The following NCALD variants were observed in gnomAD, a reference collection of about 807,000 sequenced individuals.
NCALD encodes neurocalcin-delta.
NCALD carries 10 observed loss-of-function variants against 18.6 expected under a neutral mutation model. The observed-to-expected ratio is 0.54, with a 90% CI of 0.33 to 0.91. The LOEUF (loss-of-function observed/expected upper bound fraction) is 0.91. Ranked by LOEUF, NCALD falls within the 40% of genes least tolerant of loss-of-function variation. NCALD has a pLI of 0.03. For missense variants in NCALD, 184 were observed against 247.6 expected, an observed-to-expected ratio of 0.74 and a Z score of 1.72; for synonymous variants, 88 against 87.4, an observed-to-expected ratio of 1.01 and a Z score of -0.04.
At chr8:101,704,609 T>C (rs897093492) in intron 2 of NCALD, among the ~76,000 whole-genome samples, 2 of 152,046 alleles carry the variant, frequency 1.3e-5, no homozygotes, top group African/African-American at 4.8e-5. Flanking sequence ...CGTTAAGAAA[T>C]TTAGACATCA....
chr8:101,953,293 G>A (rs1402285572), intron 2 of NCALD, among the ~76,000 whole-genome samples: 1 of 152,192 alleles, frequency 6.6e-6, no homozygotes, highest in Non-Finnish European at 1.5e-5. Context: ...CCAACTTAAA[G>A]AATATTGTAG....
At chr8:101,875,500 CAG>C (rs1279275280) in intron 4 of NCALD, among the ~76,000 whole-genome samples, 2 of 152,196 alleles carry the variant, frequency 1.3e-5, no homozygotes, top group East Asian at 1.9e-4. Flanking sequence ...ACTGGGGTAA[CAG>C]ATATCTCGAT....
intron 1 of NCALD, among the ~76,000 whole-genome samples, chr8:101,759,836 AATGTATC>A (rs1811039580): frequency 6.6e-6 from 1 of 152,218 alleles, no homozygotes; most frequent in African/African-American, 2.4e-5. Context: ...ATCAGATAAA[AATGTATC>A]ATCAGTAAGG....
intron 4 of NCALD, among the ~76,000 whole-genome samples, chr8:101,848,368 G>A (rs1367045730): frequency 3.3e-5 from 5 of 152,050 alleles, no homozygotes; most frequent in African/African-American, 1.2e-4. Context: ...GGAAACAAGA[G>A]AAAACTTGAA....
At chr8:101,698,121 G>A (rs905844119) in intron 2 of NCALD, among the ~76,000 whole-genome samples, 12 of 152,104 alleles carry the variant, frequency 7.9e-5, no homozygotes, top group African/African-American at 2.9e-4. Flanking sequence ...AAAATCACAA[G>A]CATTTCTATA....
intron 4 of NCALD, among the ~76,000 whole-genome samples, chr8:101,867,242 C>T (rs1007901216): frequency 2.0e-5 from 3 of 152,182 alleles, no homozygotes; most frequent in Admixed American, 1.3e-4. Flanking sequence ...CAAACCGCCC[C>T]TACCTTCAAT....
At chr8:102,086,552 C>A (rs1824743436) in intron 1 of NCALD, among the ~76,000 whole-genome samples, 1 of 152,228 alleles carries the variant, frequency 6.6e-6, no homozygotes, top group African/African-American at 2.4e-5. Flanking sequence ...TGAATCAAGT[C>A]ACTATCATCT....
intron 1 of NCALD, among the ~76,000 whole-genome samples, chr8:102,050,139 G>A (rs1476830025): frequency 3.5e-5 from 4 of 113,764 alleles, no homozygotes; most frequent in East Asian, 5.7e-4. Context: ...TCCGCAGTCC[G>A]GCCTGGGCGA....
At chr8:102,122,812 C>G (rs1587129811) in intron 1 of NCALD, among the ~76,000 whole-genome samples, 1 of 152,232 alleles carries the variant, frequency 6.6e-6, no homozygotes, top group East Asian at 1.9e-4. Flanking sequence ...CTCCTAATGT[C>G]CATATTGGCA....
chr8:101,951,414 G>A (rs1043661903), intron 2 of NCALD, among the ~76,000 whole-genome samples: 5 of 152,162 alleles, frequency 3.3e-5, no homozygotes, highest in East Asian at 1.9e-4. Flanking sequence ...AGGAGCTGGC[G>A]AAGACGGAAG....
chr8:101,881,118 ATTTCAC>A (rs773624900), intron 4 of NCALD, among the ~76,000 whole-genome samples: 32 of 152,226 alleles, frequency 2.1e-4, no homozygotes, highest in South Asian at 1.9e-3. Flanking sequence ...GTAAAAAGGA[ATTTCAC>A]TTTCATAAAA....
intron 2 of NCALD, among the ~76,000 whole-genome samples, chr8:101,929,379 G>GA: frequency 1.9e-5 from 1 of 53,080 alleles, no homozygotes. Flanking sequence ...AGGAGGGAAG[G>GA]GAGGAGGGAG....
Position 102,091,110 on chromosome 8 carries a change from C to T in NCALD, c.-210+33127G>A, listed in dbSNP as rs1214828283. ...ATAGGTATTTGAAGGTACAAACCCA[C>T]AGCTGGGCTTGGCTTTAAAATAAAA... On this transcript the variant is annotated intron_variant, in intron 1 of 6. Transcript: ENST00000311028. Among the ~76,000 whole-genome samples the T allele has an allele frequency of 2.0e-5, 3 of 152,188 alleles. No individual in the cohort carries two copies. The East Asian group carries it at 5.8e-4, about 29-fold the overall frequency.
At chr8:101,764,656 T>C (rs1350964356) in intron 1 of NCALD, among the ~76,000 whole-genome samples, 2 of 152,228 alleles carry the variant, frequency 1.3e-5, no homozygotes, top group Admixed American at 6.5e-5. Flanking sequence ...ATTTTTGTTT[T>C]GTTTTTAAAG....
intron 3 of NCALD, among the ~76,000 whole-genome samples, chr8:101,912,957 T>C (rs1342410387): frequency 6.6e-6 from 1 of 152,208 alleles, no homozygotes. Context: ...GAAGAAGCTG[T>C]GGGTGATTCC....
chr8:101,701,292 C>G (rs951006743), intron 2 of NCALD, among the ~76,000 whole-genome samples: 3 of 152,222 alleles, frequency 2.0e-5, no homozygotes, highest in Non-Finnish European at 4.4e-5. Flanking sequence ...TCAGTCCCCA[C>G]CCCTTCTACA....
At position 101,985,005 on chromosome 8, in the gene NCALD, G is replaced by T. The variant is rs1820752154; in HGVS notation, c.-157+35232C>A. ...AGAGGACACCAGAGTCAGGGACATGGATTTTAAAGAACTATGTAGCTTAAG... is the reference window on the plus strand; with the variant it reads ...AGAGGACACCAGAGTCAGGGACATGTATTTTAAAGAACTATGTAGCTTAAG... On this transcript the variant is annotated intron_variant, in intron 2 of 6. Transcript: ENST00000311028. 2.0e-5 allele frequency among the ~76,000 whole-genome samples: 3 copies of T among 152,154 alleles called. No individual in the cohort carries two copies. The South Asian group carries it at 6.2e-4, about 32-fold the overall frequency.
intron 2 of NCALD, among the ~76,000 whole-genome samples, chr8:101,937,646 AG>A (rs1308393091): frequency 6.6e-6 from 1 of 152,176 alleles, no homozygotes; most frequent in African/African-American, 2.4e-5. Flanking sequence ...TGAAATTCAC[AG>A]GGTCACACCT....
chr8:101,861,899 T>C (rs568194), intron 4 of NCALD, among the ~76,000 whole-genome samples: 40,562 of 152,142 alleles, frequency 0.27, 5,838 homozygotes, highest in East Asian at 0.38. Context: ...CCAGGTACTG[T>C]TTATTTTTTC....
Sources: allele counts gnomAD v4.1 joint callset (sites outside exome capture counted in the v4.1 genomes callset), GRCh38; gene constraint gnomAD v4.1.1; transcripts MANE v1.5; gene names NCBI Gene and HGNC (gene_info 2026-07-23, HGNC 2026-07-21).